NTN1: variants seen among roughly 807,000 people sequenced by gnomAD.
The protein encoded by NTN1 is netrin-1.
In NTN1, 11 loss-of-function variants were observed where a neutral mutation model predicts 54.2. The observed-to-expected ratio is 0.20, with a 90% CI of 0.13 to 0.34. NTN1 has a LOEUF of 0.34. NTN1 is among the 10% of genes least tolerant of loss of function. The pLI is 1.00. For missense variants in NTN1, 740 were observed against 893.1 expected, an observed-to-expected ratio of 0.83 and a Z score of 2.18; for synonymous variants, 371 against 382.0, an observed-to-expected ratio of 0.97 and a Z score of 0.33.
intron 5 of NTN1, among the ~76,000 whole-genome samples, chr17:9,204,754 T>C (rs1904923983): frequency 6.6e-6 from 1 of 152,154 alleles, no homozygotes; most frequent in African/African-American, 2.4e-5. Flanking sequence ...AAATAGCCAC[T>C]GTAGGATGCA....
intron 2 of NTN1, among the ~76,000 whole-genome samples, chr17:9,144,822 C>A (rs182509775): frequency 6.6e-6 from 1 of 152,344 alleles, no homozygotes; most frequent in East Asian, 1.9e-4. Context: ...CTGTTTCAGC[C>A]TGTTTGCATT....
chr17:9,133,334 GA>G (rs1434903520), intron 2 of NTN1, among the ~76,000 whole-genome samples: 1 of 152,232 alleles, frequency 6.6e-6, no homozygotes, highest in African/African-American at 2.4e-5. Flanking sequence ...CCAAGACCAG[GA>G]GGTCAGGTGC....
intron 3 of NTN1, among the ~76,000 whole-genome samples, chr17:9,179,446 T>A (rs2092411271): frequency 6.6e-6 from 1 of 152,118 alleles, no homozygotes; most frequent in African/African-American, 2.4e-5. Flanking sequence ...CAAGGGAAGG[T>A]GTATCCCCCG....
At position 9,166,631 on chromosome 17, in the gene NTN1, C is replaced by T. The variant is rs151116586; in HGVS notation, c.1207+3630C>T. On this transcript the variant is annotated intron_variant, in intron 3 of 6. Coordinates refer to ENST00000173229, the MANE Select transcript of NTN1 (RefSeq NM_004822.3). Reference sequence around the variant, plus strand: ...TGCTGGGATTACAGGTATGAGCCACCGTGCTTGGCCAGTTAGGCCCCATCT... The same window carrying T: ...TGCTGGGATTACAGGTATGAGCCACTGTGCTTGGCCAGTTAGGCCCCATCT... Among the ~76,000 whole-genome samples the T allele has an allele frequency of 1.4e-4, 22 of 152,278 alleles. 1 individual carries two copies. The highest frequency in any genetic ancestry group is 1.2e-3 in the East Asian group (6 of 5,174).
chr17:9,183,721 GTAT>G (rs1160441447), intron 5 of NTN1: 11 of 184,982 alleles, frequency 5.9e-5, no homozygotes, highest in African/African-American at 2.6e-4. Context: ...CAGCATTTCA[GTAT>G]TATTAATTTC....
At chr17:9,227,983 G>A (rs1006803132) in intron 6 of NTN1, among the ~76,000 whole-genome samples, 7 of 152,060 alleles carry the variant, frequency 4.6e-5, no homozygotes, top group Admixed American at 3.9e-4. Flanking sequence ...AGAAGTCCTG[G>A]CCCAGCCTCC....
rs1375933499 is a variant in NTN1, at chr17:9,165,820, T to G, written c.1207+2819T>G. Among the ~76,000 whole-genome samples the G allele has an allele frequency of 6.6e-6, 1 of 152,112 alleles. No individual in the cohort carries two copies. The highest frequency in any genetic ancestry group is 6.5e-5 in the Admixed American group (1 of 15,270). ...GGTGAGGAAAGACAGGGCTTTGAGG[T>G]TTCTGCTTTCTGATTGGTGAGAAAA... On this transcript the variant is annotated intron_variant, in intron 3 of 6. Transcript: ENST00000173229. This position sits in a 1 kb window ranked among gnomAD's most constrained non-coding sequence, Gnocchi z 4.5.
chr17:9,099,762 C>T (rs2092143820), intron 2 of NTN1, among the ~76,000 whole-genome samples: 1 of 152,088 alleles, frequency 6.6e-6, no homozygotes, highest in Non-Finnish European at 1.5e-5. Flanking sequence ...CTCTTTCTTA[C>T]AATAGCCATT....
chr17:9,228,155 G>A (rs751926673), intron 6 of NTN1, among the ~76,000 whole-genome samples: 3 of 152,164 alleles, frequency 2.0e-5, no homozygotes, highest in African/African-American at 4.8e-5. Flanking sequence ...GGGTGTGGCC[G>A]GGTTGCAGCC....
At chr17:9,125,750 C>G (rs781174204) in intron 2 of NTN1, among the ~76,000 whole-genome samples, 88 of 151,774 alleles carry the variant, frequency 5.8e-4, no homozygotes, top group Non-Finnish European at 1.1e-3. Flanking sequence ...AGATTACAGG[C>G]GTGAGCCACC....
In NTN1 at chr17:9,225,618, C is replaced by T. The variant is rs543904674; in HGVS notation, c.1486+4376C>T. 3.3e-5 allele frequency among the ~76,000 whole-genome samples: 5 copies of T among 152,230 alleles called. No individual in the cohort carries two copies. In the South Asian group the frequency reaches 8.3e-4, roughly 25 times the overall value. On this transcript the variant is annotated intron_variant, in intron 6 of 6. Coordinates refer to ENST00000173229, the MANE Select transcript of NTN1 (RefSeq NM_004822.3). ...GGTGTGTAAGGGGGTGTCCCTCCCA[C>T]ACAGACTTGGGCCAGCCCAGGGAGA... is the stretch of plus-strand genomic sequence containing the variant.
chr17:9,033,017 C>T (rs1207737497), intron 2 of NTN1, among the ~76,000 whole-genome samples: 1 of 150,664 alleles, frequency 6.6e-6, no homozygotes, highest in Non-Finnish European at 1.5e-5. Flanking sequence ...GCAATGGCAC[C>T]GTGTCAGCTC....
At chr17:9,141,274 G>C (rs1246502290) in intron 2 of NTN1, among the ~76,000 whole-genome samples, 1 of 151,982 alleles carries the variant, frequency 6.6e-6, no homozygotes, top group African/African-American at 2.4e-5. Context: ...AGTGCAGCTG[G>C]AAGAACGCCA....
chr17:9,025,542 T>A lies in NTN1; in HGVS notation c.1018+2151T>A, dbSNP rs570356562. ...TCCCAGTAGTTAAAGTATCTTTAAA[T>A]CTTGCCAATTATTCAGTCATCTCAT... On this transcript the variant is annotated intron_variant, in intron 2 of 6. Coordinates refer to ENST00000173229, the MANE Select transcript of NTN1 (RefSeq NM_004822.3). 2.6e-5 allele frequency among the ~76,000 whole-genome samples: 4 copies of A among 152,364 alleles called. No homozygotes were observed. In the South Asian group the frequency reaches 8.3e-4, roughly 32 times the overall value.
intron 2 of NTN1, among the ~76,000 whole-genome samples, chr17:9,101,017 A>G (rs956361261): frequency 6.6e-6 from 1 of 152,064 alleles, no homozygotes; most frequent in African/African-American, 2.4e-5. Flanking sequence ...CTCTTTCTCC[A>G]TGAAGTTGCC....
intron 6 of NTN1, among the ~76,000 whole-genome samples, chr17:9,235,738 CTTTTTTTTTTTCTTTT>C: frequency 1.8e-5 from 1 of 55,250 alleles, no homozygotes. Context: ...CTTCTTTCTT[CTTTTTTTTTTTCTTTT>C]TTTTTTTTTT....
At chr17:9,121,805 C>G (rs540415198) in intron 2 of NTN1, among the ~76,000 whole-genome samples, 2 of 152,262 alleles carry the variant, frequency 1.3e-5, no homozygotes, top group South Asian at 4.1e-4. Flanking sequence ...AAAAAAGAGC[C>G]TCCCCACACA....
chr17:9,127,683 C>CA (rs142395518), intron 2 of NTN1, among the ~76,000 whole-genome samples: 8,409 of 152,196 alleles, frequency 0.055, 339 homozygotes, highest in East Asian at 0.12. Context: ...AGGCTTCCTG[C>CA]AGCTCAGACG....
chr17:9,186,605 C>A (rs1480632618), intron 5 of NTN1, among the ~76,000 whole-genome samples: 1 of 152,244 alleles, frequency 6.6e-6, no homozygotes, highest in African/African-American at 2.4e-5. Context: ...GCCAAGGGCA[C>A]CCTTGCACAT....
Sources: allele counts gnomAD v4.1 joint callset (sites outside exome capture counted in the v4.1 genomes callset), GRCh38; gene constraint gnomAD v4.1.1; non-coding constraint Gnocchi (gnomAD v3.1); transcripts MANE v1.5; gene names NCBI Gene and HGNC (gene_info 2026-07-23, HGNC 2026-07-21).